APPBP2: variants seen among roughly 807,000 people sequenced by gnomAD.
The protein encoded by APPBP2 is amyloid beta precursor protein binding protein 2, also known as amyloid protein-binding protein 2.
In APPBP2, 15 loss-of-function variants were observed where a neutral mutation model predicts 76.0. The observed-to-expected ratio is 0.20, with a 90% CI of 0.13 to 0.30. The LOEUF is 0.30. Ranked by LOEUF, APPBP2 falls within the 10% of genes least tolerant of loss-of-function variation. The probability of loss-of-function intolerance (pLI) is 1.00; values close to 1 mark genes in which losing one functional copy is unlikely to be tolerated. For synonymous variants in APPBP2, 222 were observed against 242.2 expected (o/e 0.92, Z 0.77); for missense variants, 401 against 687.2 (o/e 0.58, Z 4.66).
chr17:60,484,228 T>TA (rs925971600), intron 3 of APPBP2, among the ~76,000 whole-genome samples: 6 of 152,184 alleles, frequency 3.9e-5, no homozygotes, highest in African/African-American at 1.4e-4. Context: ...TTTGGTTCCA[T>TA]ATGAACTTTA....
intron 1 of APPBP2, among the ~76,000 whole-genome samples, chr17:60,524,590 G>A (rs2091035257): frequency 8.2e-6 from 1 of 122,074 alleles, no homozygotes; most frequent in Non-Finnish European, 1.6e-5. Context: ...GTAGAACGCA[G>A]CCCATCAACT....
intron 3 of APPBP2, among the ~76,000 whole-genome samples, chr17:60,491,116 T>C (rs1220556873): frequency 1.3e-5 from 2 of 152,102 alleles, no homozygotes; most frequent in Non-Finnish European, 2.9e-5. Context: ...GTAGGAAAAG[T>C]TTGGAACTTC....
chr17:60,475,061 C>T (rs776895033), intron 4 of APPBP2, among the ~76,000 whole-genome samples: 11 of 152,102 alleles, frequency 7.2e-5, no homozygotes, highest in Middle Eastern at 3.4e-3. Flanking sequence ...AACCCCATCT[C>T]TACTAAAAAT....
chr17:60,524,749 C>G (rs1466317689), intron 1 of APPBP2, among the ~76,000 whole-genome samples: 2 of 152,156 alleles, frequency 1.3e-5, no homozygotes, highest in East Asian at 1.9e-4. Flanking sequence ...CTGTTCCAGC[C>G]AACTTACAGA....
intron 2 of APPBP2, among the ~76,000 whole-genome samples, chr17:60,495,108 C>T (rs1337269405): frequency 6.6e-6 from 1 of 150,832 alleles, no homozygotes; most frequent in African/African-American, 2.5e-5. Context: ...CCTCAGCCTC[C>T]CAAGTAGCTG....
intron 11 of APPBP2, among the ~76,000 whole-genome samples, chr17:60,452,458 CATAAT>C (rs757067190): frequency 7.9e-5 from 12 of 152,146 alleles, no homozygotes; most frequent in Non-Finnish European, 1.5e-4. Context: ...AGCTCTAGAT[CATAAT>C]ATGTTAATTT....
intron 1 of APPBP2, among the ~76,000 whole-genome samples, chr17:60,507,513 T>C (rs1028539794): frequency 3.3e-5 from 5 of 152,112 alleles, no homozygotes; most frequent in Admixed American, 3.3e-4. Flanking sequence ...TGAGCCACAA[T>C]GCCTGGCCCC....
chr17:60,490,490 A>G (rs909287615), intron 3 of APPBP2, among the ~76,000 whole-genome samples: 1 of 152,178 alleles, frequency 6.6e-6, no homozygotes, highest in Admixed American at 6.5e-5. Flanking sequence ...TGGGCAACAT[A>G]GCAAGACCTT....
intron 12 of APPBP2, 127 bp from the exon 13 acceptor site, chr17:60,447,961 T>C (rs925652233): frequency 3.6e-6 from 3 of 841,006 alleles, no homozygotes; most frequent in Non-Finnish European, 5.4e-6. Context: ...CTGAAAGGAA[T>C]AGATATAATT....
At chr17:60,515,252 A>G (rs2090953515) in intron 1 of APPBP2, among the ~76,000 whole-genome samples, 1 of 149,464 alleles carries the variant, frequency 6.7e-6, no homozygotes, top group East Asian at 2.0e-4. Flanking sequence ...AGTAGCTGGG[A>G]TTATAGGCAC....
chr17:60,503,681 C>T lies in APPBP2; in HGVS notation c.139-3194G>A, dbSNP rs930924335. 2.7e-5 allele frequency among the ~76,000 whole-genome samples: 4 copies of T among 146,616 alleles called. 1 individual carries two copies. The highest frequency in any genetic ancestry group is 1.1e-4 in the African/African-American group (4 of 36,164). ...GATTATAGGTGTCTGCCACCGTGCC[C>T]GGCCTGAAATTAAGACATTTTATGA... is the stretch of plus-strand genomic sequence containing the variant. On this transcript the variant is annotated intron_variant, in intron 1 of 12. Transcript: ENST00000083182.
intron 11 of APPBP2, among the ~76,000 whole-genome samples, chr17:60,453,332 T>G (rs2090409218): frequency 6.6e-6 from 1 of 150,904 alleles, no homozygotes; most frequent in East Asian, 2.0e-4. Flanking sequence ...TACAGGTGCA[T>G]GCCACCATGC....
In APPBP2 at chr17:60,443,601, C is replaced by T. The variant is rs935796613; in HGVS notation, c.*3980G>A. 1.3e-5 allele frequency: 2 copies of T among 152,528 alleles called. No homozygotes were observed. The highest frequency in any genetic ancestry group is 4.8e-5 in the African/African-American group (2 of 41,430). The allele number at this position is 152,528 out of a possible 1,614,324, so 9.4% of individuals were successfully genotyped here. On this transcript the variant is annotated 3_prime_UTR_variant, in exon 13 of 13. Transcript: ENST00000083182. ...TTTAGTTACCATGGCAAAATATCTT[C>T]CCATAAAAGGAATATACAGAAATGA... is the stretch of plus-strand genomic sequence containing the variant.
At chr17:60,520,316 T>C (rs6503980) in intron 1 of APPBP2, among the ~76,000 whole-genome samples, 1 of 152,098 alleles carries the variant, frequency 6.6e-6, no homozygotes. Context: ...CTCACTCCTG[T>C]AATCCCAGCA....
chr17:60,480,462 C>A (rs1045080892), intron 3 of APPBP2, among the ~76,000 whole-genome samples: 1 of 151,982 alleles, frequency 6.6e-6, no homozygotes, highest in Non-Finnish European at 1.5e-5. Context: ...TCTTGGCACA[C>A]AAAAAATATG....
At chr17:60,486,367 G>C (rs2090677688) in intron 3 of APPBP2, among the ~76,000 whole-genome samples, 1 of 152,206 alleles carries the variant, frequency 6.6e-6, no homozygotes, top group Non-Finnish European at 1.5e-5. Context: ...CTTGCCTTAT[G>C]AATCTGAGTG....
At chr17:60,455,094 G>T (rs911522449) in intron 10 of APPBP2, among the ~76,000 whole-genome samples, 2 of 151,950 alleles carry the variant, frequency 1.3e-5, no homozygotes, top group African/African-American at 4.8e-5. Flanking sequence ...AAGAAAAAGA[G>T]ATTTACTTCA....
intron 9 of APPBP2, among the ~76,000 whole-genome samples, chr17:60,459,219 T>C (rs530760883): frequency 7.2e-4 from 110 of 152,268 alleles, no homozygotes; most frequent in African/African-American, 2.4e-3. Context: ...TCTGTATAGT[T>C]TGGGTTGACA....
intron 1 of APPBP2, among the ~76,000 whole-genome samples, chr17:60,512,076 A>G (rs1424187362): frequency 2.0e-5 from 3 of 150,362 alleles, no homozygotes; most frequent in African/African-American, 4.9e-5. Context: ...TTTTGGTCTC[A>G]CTCCTTGAGG....
Sources: allele counts gnomAD v4.1 joint callset (sites outside exome capture counted in the v4.1 genomes callset), GRCh38; gene constraint gnomAD v4.1.1; transcripts MANE v1.5; gene names NCBI Gene and HGNC (gene_info 2026-07-23, HGNC 2026-07-21).